EPHA6: variants seen among roughly 807,000 people sequenced by gnomAD.
The protein encoded by EPHA6 is EPH receptor A6, also known as ephrin type-A receptor 6.
A neutral mutation model predicts 112.0 loss-of-function variants in EPHA6; 50 were observed. That is an observed-to-expected ratio of 0.45 (90% CI 0.36 to 0.56). The LOEUF (loss-of-function observed/expected upper bound fraction) is 0.56. Among genes scored for constraint, EPHA6 ranks in the 20% least tolerant of loss-of-function variants. The pLI is 0.00. For synonymous variants in EPHA6, 529 were observed against 490.7 expected (o/e 1.08, Z -1.03); for missense variants, 1,280 against 1,417.4 (o/e 0.90, Z 1.56).
chr3:97,083,096 C>T (rs1004844965), intron 3 of EPHA6, among the ~76,000 whole-genome samples: 6 of 151,944 alleles, frequency 3.9e-5, no homozygotes, highest in East Asian at 1.9e-4. Flanking sequence ...GCTAATTTGC[C>T]GTAAGAATTA....
At chr3:97,343,121 A>G (rs1221160913) in intron 5 of EPHA6, among the ~76,000 whole-genome samples, 1 of 152,230 alleles carries the variant, frequency 6.6e-6, no homozygotes, top group African/African-American at 2.4e-5. Context: ...CTGTAGAGAA[A>G]GCCTCTGTCA....
chr3:97,324,792 G>A (rs113576219), intron 5 of EPHA6, among the ~76,000 whole-genome samples: 4,256 of 151,878 alleles, frequency 0.028, 204 homozygotes, highest in African/African-American at 0.091. Flanking sequence ...CACCTGCCTC[G>A]GCCTCCCAAA....
Position 97,169,301 on chromosome 3 carries a change from G to A in EPHA6, c.1115-56963G>A, listed in dbSNP as rs377427503. ...CATGTGCTGAGGCTAGATGTGTGAA[G>A]GGCATGGTAGTTTAGCTAAGACACA... On this transcript the variant is annotated intron_variant, in intron 3 of 17. Transcript: ENST00000389672. 3.3e-5 allele frequency among the ~76,000 whole-genome samples: 5 copies of A among 152,212 alleles called. No individual in the cohort carries two copies. In the East Asian group the frequency reaches 7.7e-4, roughly 24 times the overall value.
At chr3:97,611,549 A>T (rs1217081937) in intron 13 of EPHA6, among the ~76,000 whole-genome samples, 1 of 152,068 alleles carries the variant, frequency 6.6e-6, no homozygotes, top group African/African-American at 2.4e-5. Context: ...ATCATGTGCT[A>T]TGAAAATATT....
chr3:97,318,873 A>T (rs1162380918), intron 5 of EPHA6, among the ~76,000 whole-genome samples: 1 of 151,942 alleles, frequency 6.6e-6, no homozygotes, highest in Non-Finnish European at 1.5e-5. Flanking sequence ...GTGAACATTT[A>T]TTGAGATTCC....
chr3:97,452,282 G>C (rs1426818229), intron 7 of EPHA6, among the ~76,000 whole-genome samples: 2 of 151,754 alleles, frequency 1.3e-5, no homozygotes, highest in East Asian at 3.9e-4. Flanking sequence ...GAATCTACTT[G>C]AACTGGAGCT....
chr3:97,514,679 G>T (rs747506423), intron 10 of EPHA6, among the ~76,000 whole-genome samples: 2 of 152,160 alleles, frequency 1.3e-5, no homozygotes, highest in Non-Finnish European at 2.9e-5. Context: ...TTTTGAGGAA[G>T]TAATTAAAGT....
chr3:96,868,076 G>A (rs924303217), intron 2 of EPHA6, among the ~76,000 whole-genome samples: 11 of 151,322 alleles, frequency 7.3e-5, no homozygotes, highest in African/African-American at 2.4e-4. Flanking sequence ...ATAAACATTC[G>A]TATTGTTGAG....
chr3:97,402,239 C>G (rs1280848683), intron 5 of EPHA6, among the ~76,000 whole-genome samples: 1 of 151,974 alleles, frequency 6.6e-6, no homozygotes. Flanking sequence ...CTCTCTAATG[C>G]TGAGAGTAGG....
chr3:97,143,404 C>T lies in EPHA6; in HGVS notation c.1115-82860C>T, dbSNP rs186515961. Among the ~76,000 whole-genome samples, 10 of 151,856 alleles carry T rather than the reference C, an allele frequency of 6.6e-5. No homozygotes were observed. In the East Asian group the frequency reaches 1.7e-3, roughly 26 times the overall value. Reference sequence around the variant, plus strand: ...AACCATGTGATAACTTCCTTAAAAACATGAAATGCCGTATTTACAAAGTCA... The same window carrying T: ...AACCATGTGATAACTTCCTTAAAAATATGAAATGCCGTATTTACAAAGTCA... On this transcript the variant is annotated intron_variant, in intron 3 of 17. Transcript: ENST00000389672.
At chr3:97,630,462 T>C (rs1651034480) in intron 13 of EPHA6, among the ~76,000 whole-genome samples, 2 of 152,026 alleles carry the variant, frequency 1.3e-5, no homozygotes, top group Admixed American at 6.6e-5. Context: ...CAACATCATT[T>C]TAAAAAGTCA....
intron 14 of EPHA6, among the ~76,000 whole-genome samples, chr3:97,677,409 A>C (rs1028444811): frequency 1.3e-5 from 2 of 152,184 alleles, no homozygotes; most frequent in Admixed American, 1.3e-4. Flanking sequence ...GAGACATCCT[A>C]CTAGAATAAG....
chr3:97,499,350 C>G (rs903034045), intron 10 of EPHA6, among the ~76,000 whole-genome samples: 3 of 152,140 alleles, frequency 2.0e-5, no homozygotes, highest in South Asian at 4.1e-4. Context: ...ACATTAAGAT[C>G]TGTATATCTT....
chr3:97,329,883 G>A (rs1350052803), intron 5 of EPHA6, among the ~76,000 whole-genome samples: 1 of 151,946 alleles, frequency 6.6e-6, no homozygotes, highest in East Asian at 1.9e-4. Flanking sequence ...TAGACATGAA[G>A]TCCTAGCCCA....
chr3:97,632,735 C>T (rs182556625), intron 13 of EPHA6, among the ~76,000 whole-genome samples: 70 of 151,974 alleles, frequency 4.6e-4, no homozygotes, highest in African/African-American at 1.4e-3. Flanking sequence ...TGAGCACATG[C>T]AAAAAATAAA....
In EPHA6 at chr3:96,868,777, G is replaced by A. The variant is rs143946122; in HGVS notation, c.450+1888G>A. Among the ~76,000 whole-genome samples, 3 of 151,858 alleles carry A rather than the reference G, an allele frequency of 2.0e-5. No individual in the cohort carries two copies. In the East Asian group the frequency reaches 5.8e-4, roughly 29 times the overall value. On this transcript the variant is annotated intron_variant, in intron 2 of 17. Transcript: ENST00000389672. ...AATTGAAAAAAACTCTTCCTATAAAGAATTGACATTTTTGAAATTGTATAA... is the reference window on the plus strand; with the variant it reads ...AATTGAAAAAAACTCTTCCTATAAAAAATTGACATTTTTGAAATTGTATAA...
At chr3:97,743,104 G>A (rs534736635) in intron 16 of EPHA6, among the ~76,000 whole-genome samples, 9 of 152,030 alleles carry the variant, frequency 5.9e-5, no homozygotes, top group Admixed American at 1.3e-4. Flanking sequence ...AAACATTTTC[G>A]CAATACAAGG....
chr3:97,629,728 A>G (rs1475095801), intron 13 of EPHA6, among the ~76,000 whole-genome samples: 2 of 151,990 alleles, frequency 1.3e-5, no homozygotes. Context: ...CCCTAAATTT[A>G]TAATTTAACC....
intron 5 of EPHA6, among the ~76,000 whole-genome samples, chr3:97,307,292 T>C (rs1248003486): frequency 6.6e-6 from 1 of 151,728 alleles, no homozygotes; most frequent in Non-Finnish European, 1.5e-5. Flanking sequence ...TTCCATACAA[T>C]AGAGCTGGGG....
Sources: gnomAD v4.1 joint callset for allele counts (sites outside exome capture counted in the v4.1 genomes callset) on GRCh38, gnomAD v4.1.1 for gene constraint, MANE v1.5 for transcripts, NCBI Gene and HGNC (gene_info 2026-07-23, HGNC 2026-07-21) for gene names.